Variants in MAP2K5 observed in about 807,000 individuals in gnomAD.
The protein encoded by MAP2K5 is mitogen-activated protein kinase kinase 5, also known as dual specificity mitogen-activated protein kinase kinase 5.
In MAP2K5, 49 loss-of-function variants were observed where a neutral mutation model predicts 83.1. The observed-to-expected ratio is 0.59, with a 90% confidence interval of 0.47 to 0.75. MAP2K5 has a LOEUF of 0.75. Among genes scored for constraint, MAP2K5 ranks in the 30% least tolerant of loss-of-function variants. MAP2K5 has a pLI of 0.00. For missense variants in MAP2K5, 457 were observed against 557.5 expected (o/e 0.82, Z 1.82); for synonymous variants, 202 against 191.8 (o/e 1.05, Z -0.44).
intron 8 of MAP2K5, chr15:67,627,946 C>T (rs191880910): frequency 5.2e-6 from 4 of 772,630 alleles, no homozygotes; most frequent in Non-Finnish European, 9.0e-6. Flanking sequence ...GCCTGAGGAG[C>T]CATTTTAAGC....
At chr15:67,580,212 T>C (rs748527863) in intron 3 of MAP2K5, among the ~76,000 whole-genome samples, 3 of 152,200 alleles carry the variant, frequency 2.0e-5, no homozygotes, top group Non-Finnish European at 4.4e-5. Context: ...AAAAGGTATG[T>C]TTGTTTGAAA....
At chr15:67,737,803 C>T (rs1445021550) in intron 17 of MAP2K5, among the ~76,000 whole-genome samples, 2 of 151,014 alleles carry the variant, frequency 1.3e-5, no homozygotes, top group Non-Finnish European at 2.9e-5. Flanking sequence ...ATGGTGACCA[C>T]CACGGGGAGA....
At position 67,757,596 on chromosome 15, in the gene MAP2K5, A is replaced by G. The variant is rs1194926786; in HGVS notation, c.1134+8995A>G. ...TCCCAGAGCTCGGTACCGGGGATAG[A>G]GAATGAATAAGATGCTCTTTCCACC... On this transcript the variant is annotated intron_variant, in intron 19 of 21. Transcript: ENST00000178640. This position sits in a 1 kb window ranked among gnomAD's most constrained non-coding sequence, Gnocchi z 4.9. Among the ~76,000 whole-genome samples the G allele has an allele frequency of 3.9e-5, 6 of 152,204 alleles. No homozygotes were observed. Among genetic ancestry groups the G allele is most frequent in the African/African-American group, 1.4e-4 (6 of 41,454 alleles).
chr15:67,669,262 C>T (rs2087465878), intron 13 of MAP2K5, among the ~76,000 whole-genome samples: 1 of 152,056 alleles, frequency 6.6e-6, no homozygotes, highest in Non-Finnish European at 1.5e-5. Flanking sequence ...ATTTCTTAAA[C>T]AATAACATAC....
At chr15:67,706,731 A>G (rs1240652435) in intron 16 of MAP2K5, among the ~76,000 whole-genome samples, 1 of 152,188 alleles carries the variant, frequency 6.6e-6, no homozygotes, top group Non-Finnish European at 1.5e-5. Context: ...TGTTACCAAC[A>G]CAAGTAATAG....
At chr15:67,599,531 C>T (rs2141024283) in intron 7 of MAP2K5, among the ~76,000 whole-genome samples, 1 of 152,280 alleles carries the variant, frequency 6.6e-6, no homozygotes, top group East Asian at 1.9e-4. Flanking sequence ...TGAACCCTTG[C>T]TTTATTCAAT....
chr15:67,552,347 A>G lies in MAP2K5; in HGVS notation c.184+2265A>G, dbSNP rs1182522568. ...TTTCATGGACAGTCTGATAGTTAAC[A>G]TTCGGAGTACTTACTGTTGACAGAT... On this transcript the variant is annotated intron_variant, in intron 2 of 21. Coordinates refer to ENST00000178640, the MANE Select transcript of MAP2K5 (RefSeq NM_145160.3). The surrounding 1 kb of genome is among the most constrained non-coding windows in gnomAD (Gnocchi z 4.2). Among the ~76,000 whole-genome samples the G allele has an allele frequency of 6.6e-6, 1 of 152,218 alleles. No individual in the cohort carries two copies. Among genetic ancestry groups the G allele is most frequent in the African/African-American group, 2.4e-5 (1 of 41,454 alleles).
chr15:67,797,952 G>A (rs1305833972), intron 21 of MAP2K5, among the ~76,000 whole-genome samples: 2 of 152,152 alleles, frequency 1.3e-5, no homozygotes, highest in Non-Finnish European at 2.9e-5. Context: ...CAAAGTGCTG[G>A]GATTACAGGC....
intron 11 of MAP2K5, among the ~76,000 whole-genome samples, chr15:67,653,070 GT>G (rs1443328752): frequency 6.6e-6 from 1 of 151,960 alleles, no homozygotes. Context: ...TCTTGAGTCA[GT>G]TTTGGTAGTT....
rs1328560470 is a variant in MAP2K5, at chr15:67,781,422, G to A, written c.1242+8670G>A. Among the ~76,000 whole-genome samples the A allele has an allele frequency of 6.6e-6, 1 of 152,180 alleles. No individual in the cohort carries two copies. Among genetic ancestry groups the A allele is most frequent in the East Asian group, 1.9e-4 (1 of 5,196 alleles). On this transcript the variant is annotated intron_variant, in intron 21 of 21. Transcript: ENST00000178640. This position sits in a 1 kb window ranked among gnomAD's most constrained non-coding sequence, Gnocchi z 4.0. ...TGAGTCTTGTGGTTTCGGATACAGAGTTATTTGGGGGGCCAAATCTGCCTG... is the reference window on the plus strand; with the variant it reads ...TGAGTCTTGTGGTTTCGGATACAGAATTATTTGGGGGGCCAAATCTGCCTG...
intron 17 of MAP2K5, among the ~76,000 whole-genome samples, chr15:67,728,156 G>A (rs1287375077): frequency 6.6e-6 from 1 of 152,112 alleles, no homozygotes; most frequent in East Asian, 1.9e-4. Flanking sequence ...GGTTGAGAGT[G>A]ATCATTGTGC....
intron 3 of MAP2K5, among the ~76,000 whole-genome samples, chr15:67,578,042 G>A (rs544960468): frequency 4.9e-4 from 75 of 152,264 alleles, no homozygotes; most frequent in Admixed American, 8.5e-4. Flanking sequence ...TTTATTACTT[G>A]CTGTCTTCTC....
Position 67,801,345 on chromosome 15 carries a change from T to G in MAP2K5, c.1243-5301T>G, listed in dbSNP as rs2090703293. 6.6e-6 allele frequency among the ~76,000 whole-genome samples: 1 copy of G among 151,976 alleles called. No homozygotes were observed. Among genetic ancestry groups the G allele is most frequent in the Non-Finnish European group, 1.5e-5 (1 of 67,974 alleles). On this transcript the variant is annotated intron_variant, in intron 21 of 21. Coordinates refer to ENST00000178640, the MANE Select transcript of MAP2K5 (RefSeq NM_145160.3). This position sits in a 1 kb window ranked among gnomAD's most constrained non-coding sequence, Gnocchi z 4.8. ...CTGTCCCAACAGCAGCTTGTTGGAG[T>G]CTTTACTAGGCCAGGCTTACTGCTT...
intron 7 of MAP2K5, among the ~76,000 whole-genome samples, chr15:67,597,607 A>T (rs974933893): frequency 1.3e-5 from 2 of 152,134 alleles, no homozygotes; most frequent in Admixed American, 1.3e-4. Context: ...TATAATGAAC[A>T]CTCTTCCTAT....
intron 7 of MAP2K5, among the ~76,000 whole-genome samples, chr15:67,594,507 A>G (rs1261613862): frequency 6.6e-6 from 1 of 152,238 alleles, no homozygotes; most frequent in African/African-American, 2.4e-5. Context: ...ATAACCTGTC[A>G]TAGACTCTTC....
chr15:67,756,479 C>T (rs943791396), intron 19 of MAP2K5, among the ~76,000 whole-genome samples: 1 of 151,170 alleles, frequency 6.6e-6, no homozygotes, highest in African/African-American at 2.4e-5. Flanking sequence ...AGGATTACCA[C>T]AATCAAGCTA....
chr15:67,600,302 G>A (rs2085626273), intron 7 of MAP2K5, among the ~76,000 whole-genome samples: 1 of 152,194 alleles, frequency 6.6e-6, no homozygotes, highest in Non-Finnish European at 1.5e-5. Context: ...CTGAGTGTGT[G>A]TGTGTATTGT....
In MAP2K5 at chr15:67,804,977, C is replaced by T. The variant is rs557249806; in HGVS notation, c.1243-1669C>T. ...CCCCAGACCAAACCTCTGCCATCCA[C>T]AGGGCCACACCCAGCCTGGCCTCCA... On this transcript the variant is annotated intron_variant, in intron 21 of 21. Coordinates refer to ENST00000178640, the MANE Select transcript of MAP2K5 (RefSeq NM_145160.3). Among the ~76,000 whole-genome samples, 305 of 152,342 alleles carry T rather than the reference C, an allele frequency of 2.0e-3. 5 individuals carry two copies. Among genetic ancestry groups the T allele is most frequent in the Non-Finnish European group, 3.1e-3 (209 of 68,040 alleles).
chr15:67,580,363 A>G (rs964847637), intron 3 of MAP2K5, among the ~76,000 whole-genome samples: 1 of 152,192 alleles, frequency 6.6e-6, no homozygotes, highest in Non-Finnish European at 1.5e-5. Context: ...ATTAACTGGC[A>G]TGTAGGTCCA....
Sources: allele counts gnomAD v4.1 joint callset (sites outside exome capture counted in the v4.1 genomes callset), GRCh38; gene constraint gnomAD v4.1.1; non-coding constraint Gnocchi (gnomAD v3.1); transcripts MANE v1.5; gene names NCBI Gene and HGNC (gene_info 2026-07-23, HGNC 2026-07-21).